The following PRRC2B variants were observed in gnomAD, a reference collection of about 807,000 sequenced individuals.
The protein encoded by PRRC2B is protein PRRC2B.
Under a neutral mutation model 242.3 loss-of-function variants are expected in PRRC2B, and 68 were observed. That is an observed-to-expected ratio of 0.28 (90% confidence interval 0.23 to 0.34). PRRC2B has a LOEUF of 0.34. Among genes scored for constraint, PRRC2B ranks in the 10% least tolerant of loss-of-function variants. PRRC2B has a pLI of 1.00. For missense variants in PRRC2B, 2,835 were observed against 2,954.8 expected, an observed-to-expected ratio of 0.96 and a Z score of 0.94; for synonymous variants, 1,228 against 1,173.6, an observed-to-expected ratio of 1.05 and a Z score of -0.95.
At position 131,487,213 on chromosome 9, in the gene PRRC2B, A is replaced by C; in HGVS notation, c.5903A>C (p.Gln1968Pro). Residue 1968 changes from glutamine to proline, a missense_variant, in exon 27 of 32, where the codon CAG (glutamine) becomes CCG (proline). This residue lies in a region of PRRC2B where 574 missense variants were observed against 626.0 expected (regional missense o/e 0.92). Transcript: ENST00000683519. The surrounding 1 kb of genome is among the most constrained non-coding windows in gnomAD (Gnocchi z 5.3). Reference sequence around the variant, plus strand: ...CCGATCTCCCTTCACACATCTCTGCAGGCACAAGCTCAGCTTGGACTGAGG... The same window carrying C: ...CCGATCTCCCTTCACACATCTCTGCCGGCACAAGCTCAGCTTGGACTGAGG... ...QIPISLHTSLQAQAQLGLRGG... is the reference protein window; with the variant it reads ...QIPISLHTSLPAQAQLGLRGG... The C allele has an allele frequency of 1.9e-6, 3 of 1,613,720 alleles. No homozygotes were observed. Among genetic ancestry groups the C allele is most frequent in the Non-Finnish European group, 2.5e-6 (3 of 1,179,712 alleles).
chr9:131,443,586 A>G (rs1439310167), intron 5 of PRRC2B, among the ~76,000 whole-genome samples: 4 of 151,986 alleles, frequency 2.6e-5, no homozygotes, highest in Non-Finnish European at 4.4e-5. Context: ...GGCGCCCGCC[A>G]CCAGACTAAT....
Position 131,470,988 on chromosome 9 carries a change from G to A in PRRC2B, c.2107+5G>A, listed in dbSNP as rs778787660. On this transcript the variant is annotated splice_donor_5th_base_variant and intron_variant, in intron 14 of 31. Coordinates refer to ENST00000683519, the MANE Select transcript of PRRC2B (RefSeq NM_013318.4). ...CCTCCGCCCTGCATCCCTCAGGTAA[G>A]CACTGTGGTCTGACGGTCCATACCT... The A allele has an allele frequency of 4.4e-6, 7 of 1,605,670 alleles. No individual in the cohort carries two copies. In the African/African-American group the frequency reaches 9.4e-5, roughly 22 times the overall value.
At chr9:131,405,850 C>G (rs190670247) in intron 1 of PRRC2B, among the ~76,000 whole-genome samples, 1 of 152,290 alleles carries the variant, frequency 6.6e-6, no homozygotes, top group African/African-American at 2.4e-5. Flanking sequence ...GGAAGCCCTG[C>G]TTTGGGGTCA....
In PRRC2B at chr9:131,476,235, A is replaced by G. The variant is rs1414247719; in HGVS notation, c.4106A>G (p.His1369Arg). The G allele has an allele frequency of 1.2e-6, 2 of 1,613,086 alleles. No homozygotes were observed. The highest frequency in any genetic ancestry group is 4.5e-5 in the East Asian group (2 of 44,840). The change falls in exon 16 of 32, where the codon CAC becomes CGC. Residue 1369 changes from histidine (H) to arginine (R), a missense_variant. Transcript: ENST00000683519. Reference sequence around the variant, plus strand: ...CTCTCCTACCAGAACTCCTCCGATCACGCCAATGAGGAGTGGGAGACGGCC... The same window carrying G: ...CTCTCCTACCAGAACTCCTCCGATCGCGCCAATGAGGAGTGGGAGACGGCC... The part of the protein sequence containing the change: ...PELSYQNSSD[H>R]ANEEWETASE...
At chr9:131,389,528 T>C (rs958933494), upstream of PRRC2B, among the ~76,000 whole-genome samples, 1 of 150,688 alleles carries the variant, frequency 6.6e-6, no homozygotes, top group Non-Finnish European at 1.5e-5. Context: ...ACACCAGGTA[T>C]GTTTTCTTCC....
intron 4 of PRRC2B, 74 bp downstream of exon 4, chr9:131,436,796 G>A: frequency 8.1e-7 from 1 of 1,230,986 alleles, no homozygotes; most frequent in Non-Finnish European, 1.2e-6. Context: ...CTGGGGGATG[G>A]AAGGAGTTGC....
At chr9:131,423,908 C>T (rs1471186313) in intron 1 of PRRC2B, among the ~76,000 whole-genome samples, 2 of 151,504 alleles carry the variant, frequency 1.3e-5, no homozygotes, top group African/African-American at 2.4e-5. Flanking sequence ...TAAGAGGTGG[C>T]TGATTCCACA....
chr9:131,447,901 C>T, intron 9 of PRRC2B, 97 bp downstream of exon 9: 1 of 1,360,786 alleles, frequency 7.3e-7, no homozygotes, highest in Non-Finnish European at 9.9e-7. Flanking sequence ...TGTGTTTTCC[C>T]TTGGCAAGAT....
chr9:131,430,311 T>G (rs375263229), intron 2 of PRRC2B, 52 bp downstream of exon 2: 52 of 1,159,380 alleles, frequency 4.5e-5, no homozygotes, highest in African/African-American at 7.7e-5. Flanking sequence ...GAGTGACATA[T>G]CCCAGAAACC....
intron 26 of PRRC2B, chr9:131,486,538 A>G (rs1462170752): frequency 1.0e-6 from 1 of 985,386 alleles, no homozygotes; most frequent in Non-Finnish European, 1.2e-6. Flanking sequence ...TGCATTAGAA[A>G]GAGGTAGTCT....
Position 131,455,618 on chromosome 9 carries a change from C to A in PRRC2B, c.1211+452C>A, listed in dbSNP as rs566631502. 1.1e-4 allele frequency among the ~76,000 whole-genome samples: 16 copies of A among 147,584 alleles called. No individual in the cohort carries two copies. In the South Asian group the frequency reaches 3.0e-3, roughly 28 times the overall value. ...TAAAACCTCCATCTCCTGGGCTCAG[C>A]GATTCTCCCACCCCAGCTTCCCAAA... On this transcript the variant is annotated intron_variant, in intron 10 of 31. Transcript: ENST00000683519.
chr9:131,415,418 C>T (rs957211822), intron 1 of PRRC2B, among the ~76,000 whole-genome samples: 6 of 152,196 alleles, frequency 3.9e-5, no homozygotes, highest in African/African-American at 9.7e-5. Context: ...TTAGGCCAGG[C>T]CCCCGCTCCC....
At chr9:131,420,463 T>TTCTCTCTTTCTCTCTTTCTCTCTTTCTC (rs1837783058) in intron 1 of PRRC2B, among the ~76,000 whole-genome samples, 3 of 9,364 alleles carry the variant, frequency 3.2e-4, no homozygotes, top group Admixed American at 1.9e-3. Context: ...TTTTCTTTCT[T>TTCTCTCTTTCTCTCTTTCTCTCTTTCTC]TCTTTCTTTC....
chr9:131,384,274 G>A (rs909160182), intron 1 of PRRC2B, among the ~76,000 whole-genome samples: 27 of 149,432 alleles, frequency 1.8e-4, no homozygotes, highest in Non-Finnish European at 3.6e-4. Context: ...TTGTATGTAT[G>A]TATGTATGTA....
intron 19 of PRRC2B, among the ~76,000 whole-genome samples, chr9:131,481,324 A>AAAAAG (rs1554765597): frequency 6.6e-6 from 1 of 151,334 alleles, no homozygotes; most frequent in African/African-American, 2.4e-5. Context: ...AAAAAAAAAA[A>AAAAAG]AAAAAAAAGA....
intron 19 of PRRC2B, among the ~76,000 whole-genome samples, chr9:131,480,139 A>C (rs1943816540): frequency 6.6e-6 from 1 of 152,064 alleles, no homozygotes; most frequent in African/African-American, 2.4e-5. Context: ...GTGCCAGCTC[A>C]TTTTTCTGCA....
At position 131,473,651 on chromosome 9, in the gene PRRC2B, G is replaced by A. The variant is rs1943604927; in HGVS notation, c.2251G>A (p.Ala751Thr). The A allele has an allele frequency of 1.2e-6, 2 of 1,613,822 alleles. No individual in the cohort carries two copies. Among genetic ancestry groups the A allele is most frequent in the Non-Finnish European group, 1.7e-6 (2 of 1,179,854 alleles). The change falls in exon 15 of 32, where the codon GCA (alanine) becomes ACA (threonine). Residue 751 changes from alanine (A) to threonine (T), a missense_variant. Physicochemically the swap from Ala to Thr is moderately conservative, Grantham distance 58. Around this residue, in one of 7 missense-constraint regions of PRRC2B, gnomAD observed 1,536 missense variants for 1,483.1 expected, o/e 1.04. Coordinates refer to ENST00000683519, the MANE Select transcript of PRRC2B (RefSeq NM_013318.4). Reference protein sequence around the residue: ...PPVWSPEGYMALQSKGYPLPH... With the variant: ...PPVWSPEGYMTLQSKGYPLPH... ...TGTGTGGAGCCCAGAGGGCTACATGGCACTGCAGAGCAAGGGCTACCCGCT... is the reference window on the plus strand; with the variant it reads ...TGTGTGGAGCCCAGAGGGCTACATGACACTGCAGAGCAAGGGCTACCCGCT...
At chr9:131,412,536 TG>T (rs950384031) in intron 1 of PRRC2B, among the ~76,000 whole-genome samples, 4 of 152,324 alleles carry the variant, frequency 2.6e-5, no homozygotes, top group African/African-American at 2.4e-5. Flanking sequence ...AACTGGGTCA[TG>T]GGTGAGCATA....
chr9:131,430,514 G>C (rs1200431086), intron 2 of PRRC2B, among the ~76,000 whole-genome samples: 1 of 17,312 alleles, frequency 5.8e-5, no homozygotes, highest in African/African-American at 1.4e-4. Context: ...GATATCTATA[G>C]ATAGATAGAT....
Sources: allele counts gnomAD v4.1 joint callset (sites outside exome capture counted in the v4.1 genomes callset), GRCh38; gene constraint gnomAD v4.1.1; regional missense constraint gnomAD v4.1.1; non-coding constraint Gnocchi (gnomAD v3.1); transcripts MANE v1.5; gene names NCBI Gene and HGNC (gene_info 2026-07-23, HGNC 2026-07-21).